Variants in ASTN2 observed in about 807,000 individuals in gnomAD.
The protein encoded by ASTN2 is astrotactin-2.
A neutral mutation model predicts 139.8 loss-of-function variants in ASTN2; 54 were observed. The ratio of observed to expected loss-of-function variants is 0.39; its 90% CI spans 0.31 to 0.48. ASTN2 has a LOEUF of 0.48. Ranked by LOEUF, ASTN2 falls within the 20% of genes least tolerant of loss-of-function variation. ASTN2 has a pLI of 0.95. For synonymous variants in ASTN2, 756 were observed against 719.5 expected (o/e 1.05, Z -0.81); for missense variants, 1,565 against 1,725.1 (o/e 0.91, Z 1.64).
At chr9:116,802,083 CTTTTTTTTT>C (rs796156202) in intron 13 of ASTN2, among the ~76,000 whole-genome samples, 26,614 of 121,902 alleles carry the variant, frequency 0.22, 2,840 homozygotes, top group Admixed American at 0.31. Context: ...TTCTTTCTTT[CTTTTTTTTT>C]TTTTTTTTTT....
At chr9:116,832,791 T>C (rs1298408836) in intron 11 of ASTN2, among the ~76,000 whole-genome samples, 1 of 152,108 alleles carries the variant, frequency 6.6e-6, no homozygotes, top group African/African-American at 2.4e-5. Flanking sequence ...AACTGTGGTA[T>C]ATGCATGAGG....
At chr9:116,911,182 A>T (rs190885360) in intron 10 of ASTN2, among the ~76,000 whole-genome samples, 2 of 152,346 alleles carry the variant, frequency 1.3e-5, no homozygotes, top group East Asian at 3.9e-4. Flanking sequence ...AATGATCCTG[A>T]TGGCTAAGAG....
chr9:116,758,273 A>C (rs1829586120), intron 13 of ASTN2, among the ~76,000 whole-genome samples: 1 of 152,216 alleles, frequency 6.6e-6, no homozygotes. Flanking sequence ...CCTCGCACAA[A>C]GAATAGCAGT....
At chr9:117,391,975 A>G (rs1266107965) in intron 1 of ASTN2, among the ~76,000 whole-genome samples, 2 of 152,214 alleles carry the variant, frequency 1.3e-5, no homozygotes, top group Non-Finnish European at 2.9e-5. Context: ...CTTTGACTCC[A>G]TATCTCACAT....
intron 4 of ASTN2, among the ~76,000 whole-genome samples, chr9:117,127,181 C>G (rs1829710309): frequency 6.6e-6 from 1 of 152,190 alleles, no homozygotes; most frequent in South Asian, 2.1e-4. Context: ...ATTACCTACT[C>G]TTGAATTCTC....
chr9:116,713,855 A>G (rs1225229608), intron 16 of ASTN2, among the ~76,000 whole-genome samples: 1 of 152,174 alleles, frequency 6.6e-6, no homozygotes, highest in East Asian at 1.9e-4. Context: ...ATCTCCTGGC[A>G]TGTAGTGAAT....
At chr9:116,978,724 T>A (rs1331548610) in intron 7 of ASTN2, among the ~76,000 whole-genome samples, 4 of 152,100 alleles carry the variant, frequency 2.6e-5, no homozygotes, top group Admixed American at 2.6e-4. Flanking sequence ...AGATATCACA[T>A]GCCAGAATTT....
At chr9:117,144,721 A>T (rs112928141) in intron 3 of ASTN2, among the ~76,000 whole-genome samples, 1 of 123,120 alleles carries the variant, frequency 8.1e-6, no homozygotes, top group African/African-American at 3.3e-5. Context: ...TCGCTCTGTC[A>T]CCCAGGCTGG....
At chr9:117,107,113 T>C (rs532590639) in intron 4 of ASTN2, among the ~76,000 whole-genome samples, 2 of 152,306 alleles carry the variant, frequency 1.3e-5, no homozygotes, top group South Asian at 2.1e-4. Context: ...ATATTATCAT[T>C]CCATTAAGTA....
intron 16 of ASTN2, among the ~76,000 whole-genome samples, chr9:116,696,766 C>T (rs930519638): frequency 1.7e-4 from 26 of 152,060 alleles, no homozygotes; most frequent in African/African-American, 6.0e-4. Flanking sequence ...GTATCTAGTA[C>T]AGAACAAGAT....
intron 19 of ASTN2, among the ~76,000 whole-genome samples, chr9:116,603,155 G>A (rs1475844096): frequency 6.6e-6 from 1 of 152,178 alleles, no homozygotes; most frequent in East Asian, 1.9e-4. Flanking sequence ...CAAAAGGCAA[G>A]GGAGATCGAG....
intron 7 of ASTN2, among the ~76,000 whole-genome samples, chr9:117,002,140 G>A (rs1232346074): frequency 1.3e-5 from 2 of 152,152 alleles, no homozygotes; most frequent in Non-Finnish European, 2.9e-5. Flanking sequence ...GCTGGGCATT[G>A]CGGTGGAAAG....
chr9:116,637,321 T>G (rs2131882245), intron 17 of ASTN2, among the ~76,000 whole-genome samples: 1 of 152,324 alleles, frequency 6.6e-6, no homozygotes, highest in Non-Finnish European at 1.5e-5. Context: ...GAGGATTAAC[T>G]TTCACTGAGC....
chr9:116,564,905 A>G (rs1224029512), intron 19 of ASTN2, among the ~76,000 whole-genome samples: 4 of 152,084 alleles, frequency 2.6e-5, no homozygotes, highest in African/African-American at 9.7e-5. Flanking sequence ...ATTGTAAGGG[A>G]TATGATGAGA....
chr9:117,121,617 C>A (rs1298459746), intron 4 of ASTN2, among the ~76,000 whole-genome samples: 4 of 152,188 alleles, frequency 2.6e-5, no homozygotes, highest in African/African-American at 9.7e-5. Flanking sequence ...TGCAAACAAC[C>A]CTGCCATTTG....
chr9:116,748,341 C>T (rs1033865965), intron 13 of ASTN2, among the ~76,000 whole-genome samples: 2 of 149,542 alleles, frequency 1.3e-5, no homozygotes, highest in African/African-American at 5.1e-5. Flanking sequence ...GAGGGGGCAC[C>T]TCTTAGTCCA....
rs572323471 is a variant in ASTN2 at position 116,603,394 on chromosome 9, C to A, written c.3355+14930G>T. Among the ~76,000 whole-genome samples the A allele has an allele frequency of 1.2e-4, 18 of 152,118 alleles. No homozygotes were observed. The South Asian group carries it at 3.5e-3, about 30-fold the overall frequency. On this transcript the variant is annotated intron_variant, in intron 19 of 22. Coordinates refer to ENST00000313400, the MANE Select transcript of ASTN2 (RefSeq NM_001365068.1). Reference sequence around the variant, plus strand: ...TTTATGGAACAATATCATGTGAGGACAAAGTCTACAGTGTGGCCCAGGAGT... The same window carrying A: ...TTTATGGAACAATATCATGTGAGGAAAAAGTCTACAGTGTGGCCCAGGAGT...
chr9:117,143,151 A>G (rs977626648), intron 3 of ASTN2, among the ~76,000 whole-genome samples: 1 of 152,218 alleles, frequency 6.6e-6, no homozygotes, highest in Non-Finnish European at 1.5e-5. Context: ...GGGAAAAGGT[A>G]TGATTGCTAA....
intron 19 of ASTN2, among the ~76,000 whole-genome samples, chr9:116,495,535 G>A (rs996166654): frequency 1.3e-5 from 2 of 152,154 alleles, no homozygotes; most frequent in African/African-American, 4.8e-5. Context: ...ATCTACCCTT[G>A]GGTATTTCAG....
Sources: allele counts gnomAD v4.1 joint callset (sites outside exome capture counted in the v4.1 genomes callset), GRCh38; gene constraint gnomAD v4.1.1; transcripts MANE v1.5; gene names NCBI Gene and HGNC (gene_info 2026-07-23, HGNC 2026-07-21).